The following DCT variants were observed in gnomAD, a reference collection of about 807,000 sequenced individuals.
DCT encodes dopachrome tautomerase.
In DCT, 47 loss-of-function variants were observed where a neutral mutation model predicts 53.0. The ratio of observed to expected loss-of-function variants is 0.89; its 90% CI spans 0.70 to 1.13. The LOEUF (loss-of-function observed/expected upper bound fraction) is 1.13, where lower values mean the gene tolerates loss of function less well. Among genes scored for constraint, DCT ranks in the 50% most tolerant of loss-of-function variants. The pLI is 0.00. For synonymous variants in DCT, 244 were observed against 237.0 expected (o/e 1.03, Z -0.27); for missense variants, 669 against 637.4 (o/e 1.05, Z -0.53).
intron 6 of DCT, among the ~76,000 whole-genome samples, 179 bp from the exon 7 acceptor site, chr13:94,443,816 G>C (rs781099813): frequency 1.3e-5 from 2 of 152,174 alleles, no homozygotes; most frequent in Non-Finnish European, 2.9e-5. Context: ...AACTCATATA[G>C]AGTGACTATG....
At position 94,479,589 on chromosome 13, in the gene DCT, A is replaced by G. The variant is rs1478934286; in HGVS notation, c.-334T>C. ...AGGCTTTGTCTAATTGAGTTAATTT[A>G]CAGAGCACCCAGTCATACTACTTAT... is the stretch of plus-strand genomic sequence containing the variant. On this transcript the variant is annotated 5_prime_UTR_variant, in exon 1 of 8. Coordinates refer to ENST00000377028, the MANE Select transcript of DCT (RefSeq NM_001922.5). 1 of 221,988 alleles carries G rather than the reference A, an allele frequency of 4.5e-6. No homozygotes were observed. Among genetic ancestry groups the G allele is most frequent in the East Asian group, 9.9e-5 (1 of 10,110 alleles). The allele number at this position is 221,988 out of a possible 1,614,324, so 13.8% of individuals were successfully genotyped here.
At chr13:94,470,173 G>T in intron 1 of DCT, among the ~76,000 whole-genome samples, 1 of 152,184 alleles carries the variant, frequency 6.6e-6, no homozygotes, top group East Asian at 1.9e-4. Context: ...GAATTTAGAA[G>T]AAATCTCACA....
chr13:94,538,408 C>A, the DCT span, among the ~76,000 whole-genome samples: 2 of 152,314 alleles, frequency 1.3e-5, no homozygotes, highest in Middle Eastern at 6.8e-3. Context: ...GCCCAGGCAG[C>A]CTGCCTCCAG....
chr13:94,540,509 C>A, the DCT span, among the ~76,000 whole-genome samples: 6 of 152,156 alleles, frequency 3.9e-5, no homozygotes, highest in Non-Finnish European at 5.9e-5. Context: ...TGTGAATAGA[C>A]ATTTCTCAAA....
At chr13:94,549,159 G>T in the DCT span, among the ~76,000 whole-genome samples, 30 of 152,362 alleles carry the variant, frequency 2.0e-4, no homozygotes, top group African/African-American at 7.2e-4. Context: ...CCAGCACTGG[G>T]TTCCGCTCAC....
chr13:94,445,732 GA>G, intron 6 of DCT: 2 of 1,588,592 alleles, frequency 1.3e-6, no homozygotes, highest in Admixed American at 3.5e-5. Flanking sequence ...CACATGCAGG[GA>G]AGGGAGTTCC....
chr13:94,460,451 G>C (rs1883708139), intron 5 of DCT, among the ~76,000 whole-genome samples: 2 of 152,164 alleles, frequency 1.3e-5, no homozygotes, highest in South Asian at 4.1e-4. Context: ...TCTCTTTTGT[G>C]TACTGTATGA....
chr13:94,527,485 AGGCAAACAG>A, the DCT span, among the ~76,000 whole-genome samples: 3 of 152,228 alleles, frequency 2.0e-5, no homozygotes, highest in Admixed American at 2.0e-4. Flanking sequence ...GGTGATACCC[AGGCAAACAG>A]GGTCTGGAGT....
At chr13:94,484,687 A>G in the DCT span, among the ~76,000 whole-genome samples, 2 of 152,288 alleles carry the variant, frequency 1.3e-5, no homozygotes, top group African/African-American at 2.4e-5. Flanking sequence ...TCCTCTCTGC[A>G]CATGCACTTC....
chr13:94,472,093 T>C (rs1461687199), intron 1 of DCT, among the ~76,000 whole-genome samples: 1 of 152,152 alleles, frequency 6.6e-6, no homozygotes, highest in Admixed American at 6.5e-5. Flanking sequence ...ATAACACTTG[T>C]TTTTGAATTG....
the DCT span, among the ~76,000 whole-genome samples, chr13:94,543,582 C>G: frequency 6.6e-6 from 1 of 152,112 alleles, no homozygotes; most frequent in Non-Finnish European, 1.5e-5. Context: ...TGATATCTTC[C>G]TAGAAATTAT....
At chr13:94,467,814 A>G (rs1024295971) in intron 2 of DCT, 2 of 152,160 alleles carry the variant, frequency 1.3e-5, no homozygotes, top group Admixed American at 6.5e-5. Flanking sequence ...TGATGTCTTC[A>G]TTCATCCTGA....
chr13:94,487,291 T>A, the DCT span, among the ~76,000 whole-genome samples: 1 of 152,212 alleles, frequency 6.6e-6, no homozygotes, highest in East Asian at 1.9e-4. Flanking sequence ...GAAAAGTGCC[T>A]TATTAGAAAG....
the DCT span, among the ~76,000 whole-genome samples, chr13:94,541,604 G>T: frequency 6.6e-6 from 1 of 152,102 alleles, no homozygotes; most frequent in Admixed American, 6.5e-5. Context: ...AGTAACTGTG[G>T]TTTTTGCAAC....
At chr13:94,544,278 C>G in the DCT span, among the ~76,000 whole-genome samples, 1 of 152,028 alleles carries the variant, frequency 6.6e-6, no homozygotes, top group African/African-American at 2.4e-5. Context: ...TATCAGAATG[C>G]CCGGCACATA....
At chr13:94,482,803 T>C (rs1885503194), upstream of DCT, among the ~76,000 whole-genome samples, 1 of 152,226 alleles carries the variant, frequency 6.6e-6, no homozygotes, top group African/African-American at 2.4e-5. Flanking sequence ...ACCACTATTA[T>C]ATTGGGGGTT....
At chr13:94,454,265 T>G (rs1330334098) in intron 6 of DCT, among the ~76,000 whole-genome samples, 2 of 152,178 alleles carry the variant, frequency 1.3e-5, no homozygotes, top group Non-Finnish European at 2.9e-5. Flanking sequence ...CCCCAGCCAC[T>G]GATGAATTGA....
At chr13:94,467,747 G>A (rs1050406682) in intron 2 of DCT, 3 of 152,214 alleles carry the variant, frequency 2.0e-5, no homozygotes, top group African/African-American at 7.2e-5. Context: ...AGGGGAACAA[G>A]TGATGAGCAG....
At chr13:94,494,245 C>T in the DCT span, among the ~76,000 whole-genome samples, 5 of 152,228 alleles carry the variant, frequency 3.3e-5, no homozygotes, top group Admixed American at 1.3e-4. Context: ...TTGGCCTCCC[C>T]GATCCTGGCT....
Sources: allele counts gnomAD v4.1 joint callset (sites outside exome capture counted in the v4.1 genomes callset), GRCh38; gene constraint gnomAD v4.1.1; transcripts MANE v1.5; gene names NCBI Gene and HGNC (gene_info 2026-07-23, HGNC 2026-07-21).